The following SASS6 variants were observed in gnomAD, a reference collection of about 807,000 sequenced individuals.
SASS6 encodes the protein SAS-6 centriolar assembly protein, also known as spindle assembly abnormal protein 6 homolog.
In SASS6, 59 loss-of-function variants were observed where a neutral mutation model predicts 94.9. That is an observed-to-expected ratio of 0.62 (90% CI 0.50 to 0.77). The LOEUF (loss-of-function observed/expected upper bound fraction) is 0.77, where lower values mean the gene tolerates loss of function less well. SASS6 is among the 30% of genes least tolerant of loss of function. SASS6 has a pLI of 0.00. For synonymous variants in SASS6, 264 were observed against 270.0 expected, an observed-to-expected ratio of 0.98 and a Z score of 0.22; for missense variants, 698 against 734.1, an observed-to-expected ratio of 0.95 and a Z score of 0.57.
chr1:100,083,813 C>T lies in SASS6; in HGVS notation c.*1515G>A, dbSNP rs1251490525. On this transcript the variant is annotated 3_prime_UTR_variant, in exon 17 of 17. Transcript: ENST00000287482. ...TTGTGTATATATATGCAAAGAGATA[C>T]CTATATTTTAAAAAAGAGAGCTACC... 6.6e-6 allele frequency: 1 copy of T among 151,580 alleles called. No homozygotes were observed. Among genetic ancestry groups the T allele is most frequent in the Non-Finnish European group, 1.5e-5 (1 of 67,882 alleles). 9.4% of individuals were successfully genotyped at this position (151,580 alleles called of 1,614,324 possible). A position where few individuals can be genotyped will look rare whatever the true frequency, so the allele number is the denominator to read the frequency against.
At chr1:100,107,203 G>A (rs1023283378) in intron 11 of SASS6, among the ~76,000 whole-genome samples, 171 bp downstream of exon 11, 4 of 151,504 alleles carry the variant, frequency 2.6e-5, no homozygotes, top group African/African-American at 9.7e-5. Flanking sequence ...TCTGAATCAT[G>A]ATAACTAACT....
intron 13 of SASS6, among the ~76,000 whole-genome samples, chr1:100,104,245 G>A (rs1468615083): frequency 6.6e-6 from 1 of 152,174 alleles, no homozygotes; most frequent in Non-Finnish European, 1.5e-5. Context: ...TCATATTTTT[G>A]TCTGTATTCA....
At chr1:100,094,785 G>C (rs1209054805) in intron 14 of SASS6, among the ~76,000 whole-genome samples, 1 of 150,852 alleles carries the variant, frequency 6.6e-6, no homozygotes, top group Non-Finnish European at 1.5e-5. Context: ...AGAATCGCTG[G>C]AACCCAGGAG....
At chr1:100,104,381 G>GT (rs1366019331) in intron 13 of SASS6, among the ~76,000 whole-genome samples, 1 of 152,140 alleles carries the variant, frequency 6.6e-6, no homozygotes. Context: ...CGGATGCTAG[G>GT]TAAGCTCCTA....
At chr1:100,110,508 C>T (rs1159369457) in intron 7 of SASS6, 25 bp from the exon 8 acceptor site, 1 of 1,274,474 alleles carries the variant, frequency 7.8e-7, no homozygotes, top group Non-Finnish European at 1.1e-6. Context: ...AAATACAGTA[C>T]CAAAATTCAA....
intron 14 of SASS6, among the ~76,000 whole-genome samples, chr1:100,100,672 G>C (rs1052392494): frequency 6.6e-6 from 1 of 152,100 alleles, no homozygotes; most frequent in Non-Finnish European, 1.5e-5. Context: ...AAACATCCTT[G>C]AATGTATTCA....
At position 100,111,798 on chromosome 1, in the gene SASS6, G is replaced by T. The variant is rs866831274; in HGVS notation, c.670-1315C>A. Among the ~76,000 whole-genome samples, 11 of 152,084 alleles carry T rather than the reference G, an allele frequency of 7.2e-5. 1 individual carries two copies. The South Asian group carries it at 2.3e-3, about 31-fold the overall frequency. ...AAGCAGTCCATATAAAATTGAAAAT[G>T]CCATCTTGGAAGAAAACATTGAAGA... On this transcript the variant is annotated intron_variant, in intron 7 of 16. Transcript: ENST00000287482.
chr1:100,096,620 T>A (rs1652126749), intron 14 of SASS6, among the ~76,000 whole-genome samples: 1 of 152,176 alleles, frequency 6.6e-6, no homozygotes, highest in Non-Finnish European at 1.5e-5. Flanking sequence ...GGAGAAAATA[T>A]TTGCTAATCA....
At chr1:100,089,312 A>G (rs1294179087) in intron 14 of SASS6, among the ~76,000 whole-genome samples, 1 of 152,110 alleles carries the variant, frequency 6.6e-6, no homozygotes, top group Non-Finnish European at 1.5e-5. Context: ...GAGGAACACC[A>G]AAAAAGAGAA....
Position 100,088,247 on chromosome 1 carries a change from G to C in SASS6, c.1675-11C>G. 1 of 1,341,032 alleles carries C rather than the reference G, an allele frequency of 7.5e-7. No individual in the cohort carries two copies. The highest frequency in any genetic ancestry group is 1.1e-6 in the Non-Finnish European group (1 of 932,498). The allele number at this position is 1,341,032 out of a possible 1,614,324, so 83.1% of individuals were successfully genotyped here. A position where few individuals can be genotyped will look rare whatever the true frequency, so the allele number is the denominator to read the frequency against. ...CAAATTAAACTGAACCTGTGAGAAG[G>C]AAAAACATCTCATGTAACTGAGTTA... On this transcript the variant is annotated splice_polypyrimidine_tract_variant and intron_variant, in intron 14 of 16. Transcript: ENST00000287482.
Position 100,085,369 on chromosome 1 carries a change from C to T in SASS6, c.1933G>A (p.Ala645Thr). ...TGCCCAGGGAAATAGGCTGAAGACG[C>T]AGAGGGGAGCGCTGTGGGTTTGGAA... Reference protein sequence around the residue: ...TSSKPTALPSASSAYFPGQLP... With the variant: ...TSSKPTALPSTSSAYFPGQLP... Residue 645 changes from alanine to threonine, a missense_variant, in exon 17 of 17, where the codon GCG becomes ACG. Coordinates refer to ENST00000287482, the MANE Select transcript of SASS6 (RefSeq NM_194292.3). 6.2e-7 allele frequency: 1 copy of T among 1,613,488 alleles called. No individual in the cohort carries two copies.
chr1:100,111,004 A>G (rs1398458138), intron 7 of SASS6, among the ~76,000 whole-genome samples: 1 of 152,070 alleles, frequency 6.6e-6, no homozygotes, highest in African/African-American at 2.4e-5. Context: ...TACCAACAAT[A>G]AAATTTGAAC....
intron 14 of SASS6, among the ~76,000 whole-genome samples, chr1:100,092,627 G>GT (rs1651810091): frequency 6.6e-6 from 1 of 152,062 alleles, no homozygotes; most frequent in South Asian, 2.1e-4. Flanking sequence ...CCAGGCTAGA[G>GT]TGCAGAGGCG....
Position 100,110,460 on chromosome 1 carries a change from C to T in SASS6, c.693G>A (p.Gln231=), listed in dbSNP as rs199728677. The T allele has an allele frequency of 6.2e-7, 1 of 1,605,728 alleles. No individual in the cohort carries two copies. Among genetic ancestry groups the T allele is most frequent in the African/African-American group, 1.3e-5 (1 of 74,612 alleles). The change falls in exon 8 of 17, where the codon CAG becomes CAA. Residue 231 remains glutamine, a synonymous_variant. Coordinates refer to ENST00000287482, the MANE Select transcript of SASS6 (RefSeq NM_194292.3). ...CTAAATCTTTTTTCTGTTGTTCATG[C>T]TGCTGTTGATATTGAACCTGTGCCT... ...ALQAQVQYQQ[Q]HEQQKKDLEI...
intron 14 of SASS6, among the ~76,000 whole-genome samples, chr1:100,092,042 A>G (rs530832464): frequency 6.6e-6 from 1 of 150,732 alleles, no homozygotes; most frequent in Non-Finnish European, 1.5e-5. Context: ...AAAATTGAAG[A>G]AATAATGGCT....
rs1651182903 is a variant in SASS6 at position 100,085,548 on chromosome 1, A to G, written c.1855T>C (p.Phe619Leu). Reference sequence around the variant, plus strand: ...AATCCCTGCTTACCTGAATTACTAAATAGGTTCTGGCTGAGTCCGCGTAAA... The same window carrying G: ...AATCCCTGCTTACCTGAATTACTAAGTAGGTTCTGGCTGAGTCCGCGTAAA... ...IPLRGLSQNL[F>L]SNSDHQRDGT... The change falls in exon 16 of 17, where the codon TTT becomes CTT. Residue 619 changes from phenylalanine (F) to leucine (L), a missense_variant. By Grantham distance (22) the Phe-to-Leu change is conservative. Coordinates refer to ENST00000287482, the MANE Select transcript of SASS6 (RefSeq NM_194292.3). The G allele has an allele frequency of 1.2e-6, 2 of 1,611,110 alleles. No homozygotes were observed. The highest frequency in any genetic ancestry group is 2.2e-5 in the East Asian group (1 of 44,846).
chr1:100,084,435 A>G lies in SASS6; in HGVS notation c.*893T>C, dbSNP rs997777223. 2 of 152,116 alleles carry G rather than the reference A, an allele frequency of 1.3e-5. No individual in the cohort carries two copies. The highest frequency in any genetic ancestry group is 4.8e-5 in the African/African-American group (2 of 41,464). The allele number at this position is 152,116 out of a possible 1,614,324, so 9.4% of individuals were successfully genotyped here. A position where few individuals can be genotyped will look rare whatever the true frequency, so the allele number is the denominator to read the frequency against. On this transcript the variant is annotated 3_prime_UTR_variant, in exon 17 of 17. Transcript: ENST00000287482. Reference sequence around the variant, plus strand: ...CTTAAAACTTTCAGTTACAGGGAAGAGAAGAAAATTGTACCTTCTAACAGT... The same window carrying G: ...CTTAAAACTTTCAGTTACAGGGAAGGGAAGAAAATTGTACCTTCTAACAGT...
chr1:100,126,858 T>C (rs1654656511), intron 1 of SASS6, among the ~76,000 whole-genome samples: 2 of 152,214 alleles, frequency 1.3e-5, no homozygotes, highest in African/African-American at 4.8e-5. Context: ...AAATAACATA[T>C]TCCCTACATT....
chr1:100,111,845 G>T (rs1276554465), intron 7 of SASS6, among the ~76,000 whole-genome samples: 1 of 152,010 alleles, frequency 6.6e-6, no homozygotes, highest in East Asian at 1.9e-4. Context: ...AGAAAAATCA[G>T]AGCAAACTGG....
Sources: allele counts gnomAD v4.1 joint callset (sites outside exome capture counted in the v4.1 genomes callset), GRCh38; gene constraint gnomAD v4.1.1; transcripts MANE v1.5; gene names NCBI Gene and HGNC (gene_info 2026-07-23, HGNC 2026-07-21).